The following CACNA1D variants were observed in gnomAD, a reference collection of about 807,000 sequenced individuals.
CACNA1D encodes calcium voltage-gated channel subunit alpha1 D.
CACNA1D carries 55 observed loss-of-function variants against 257.1 expected under a neutral mutation model. That is an observed-to-expected ratio of 0.21 (90% CI 0.17 to 0.27). CACNA1D has a LOEUF of 0.27. CACNA1D is among the 10% of genes least tolerant of loss of function. The probability of loss-of-function intolerance (pLI) is 1.00; values close to 1 mark genes in which losing one functional copy is unlikely to be tolerated. For synonymous variants in CACNA1D, 980 were observed against 1,014.9 expected (o/e 0.97, Z 0.65); for missense variants, 1,876 against 2,784.0 (o/e 0.67, Z 7.34).
At chr3:53,748,296 A>G (rs1056880379) in intron 26 of CACNA1D, among the ~76,000 whole-genome samples, 6 of 152,196 alleles carry the variant, frequency 3.9e-5, no homozygotes, top group African/African-American at 1.4e-4. Context: ...GTCCCCATGC[A>G]TAGATGAGCT....
At chr3:53,758,528 A>G (rs1372751387) in intron 29 of CACNA1D, among the ~76,000 whole-genome samples, 1 of 152,184 alleles carries the variant, frequency 6.6e-6, no homozygotes, top group Non-Finnish European at 1.5e-5. Context: ...GCCTTCCAGG[A>G]GCCCACTGTC....
At chr3:53,614,142 A>AAG (rs879509047) in intron 3 of CACNA1D, among the ~76,000 whole-genome samples, 15 of 151,478 alleles carry the variant, frequency 9.9e-5, no homozygotes, top group South Asian at 2.1e-4. Flanking sequence ...AAAAAAAAAA[A>AAG]AGAGAGACAA....
chr3:53,644,426 G>A (rs1298189255), intron 3 of CACNA1D, among the ~76,000 whole-genome samples: 1 of 152,122 alleles, frequency 6.6e-6, no homozygotes, highest in African/African-American at 2.4e-5. Flanking sequence ...ACTCTTTCTA[G>A]CTTTTGTATA....
At chr3:53,702,035 T>TG (rs937730355) in intron 8 of CACNA1D, among the ~76,000 whole-genome samples, 1 of 151,926 alleles carries the variant, frequency 6.6e-6, no homozygotes, top group African/African-American at 2.4e-5. Context: ...AACTGGGTTG[T>TG]GGAGGGGGTG....
chr3:53,523,166 A>G (rs2091643593), intron 3 of CACNA1D, among the ~76,000 whole-genome samples: 1 of 152,112 alleles, frequency 6.6e-6, no homozygotes, highest in Non-Finnish European at 1.5e-5. Context: ...CAAGATGCTG[A>G]GTGAAGTGGG....
intron 3 of CACNA1D, among the ~76,000 whole-genome samples, chr3:53,635,382 C>T (rs1295840900): frequency 6.6e-6 from 1 of 152,078 alleles, no homozygotes; most frequent in Admixed American, 6.5e-5. Flanking sequence ...GGAGGGGATG[C>T]TGGTGGGTGG....
chr3:53,751,674 A>G lies in CACNA1D; in HGVS notation c.3517-75A>G, dbSNP rs745689663. The G allele has an allele frequency of 1.3e-6, 2 of 1,493,676 alleles. No individual in the cohort carries two copies. The highest frequency in any genetic ancestry group is 1.9e-6 in the Non-Finnish European group (2 of 1,071,552). The allele number at this position is 1,493,676 out of a possible 1,614,324, so 92.5% of individuals were successfully genotyped here. On this transcript the variant is annotated intron_variant, in intron 27 of 47. Coordinates refer to ENST00000350061, the MANE Select transcript of CACNA1D (RefSeq NM_001128840.3). The surrounding 1 kb of genome is among the most constrained non-coding windows in gnomAD (Gnocchi z 4.3). ...CGGGAGCTGTAGGGTGAGCTCTTTC[A>G]GAGCAGATGACCACGGGGTCCTCCT...
At chr3:53,753,496 G>A (rs1009071325) in intron 28 of CACNA1D, 76 bp from the exon 29 acceptor site, 2 of 992,580 alleles carry the variant, frequency 2.0e-6, no homozygotes, top group African/African-American at 3.2e-5. Context: ...GGCACAGAGG[G>A]CTGGGAGCCT....
At chr3:53,798,395 G>A (rs939234419) in intron 40 of CACNA1D, among the ~76,000 whole-genome samples, 7 of 152,194 alleles carry the variant, frequency 4.6e-5, no homozygotes, top group Non-Finnish European at 8.8e-5. Flanking sequence ...ATGTGCATAT[G>A]TGTACACACA....
intron 5 of CACNA1D, among the ~76,000 whole-genome samples, chr3:53,664,986 G>T (rs1397285193): frequency 1.3e-5 from 2 of 150,852 alleles, no homozygotes; most frequent in Non-Finnish European, 2.9e-5. Context: ...ACAGGCTCTA[G>T]ATGTCCCAGT....
intron 3 of CACNA1D, among the ~76,000 whole-genome samples, chr3:53,533,278 T>C (rs2092006700): frequency 6.6e-6 from 1 of 152,208 alleles, no homozygotes; most frequent in African/African-American, 2.4e-5. Context: ...AGTCTTATTG[T>C]TTATTGTATA....
chr3:53,799,831 A>G (rs2095527086), intron 40 of CACNA1D: 1 of 284,166 alleles, frequency 3.5e-6, no homozygotes, highest in African/African-American at 2.2e-5. Flanking sequence ...GGGAGTCCAC[A>G]TCAGCCTCCC....
chr3:53,690,632 A>G (rs1428647483), intron 8 of CACNA1D, among the ~76,000 whole-genome samples: 1 of 152,172 alleles, frequency 6.6e-6, no homozygotes, highest in Non-Finnish European at 1.5e-5. Context: ...CTCTAGATGC[A>G]GCTCACAGGG....
intron 30 of CACNA1D, among the ~76,000 whole-genome samples, chr3:53,767,739 A>G (rs907075081): frequency 6.6e-6 from 1 of 152,134 alleles, no homozygotes; most frequent in African/African-American, 2.4e-5. Context: ...CATTGGGCTG[A>G]CATTTGTCAT....
chr3:53,650,841 G>T lies in CACNA1D; in HGVS notation c.546G>T (p.Ala182=), dbSNP rs111366170. 3 of 1,609,264 alleles carry T rather than the reference G, an allele frequency of 1.9e-6. No homozygotes were observed. The highest frequency in any genetic ancestry group is 2.7e-5 in the African/African-American group (2 of 74,748). The part of the protein sequence containing the change: ...FTVETFLKII[A]YGLLLHPNAY... ...TCGAGACATTTTTGAAGATTATAGC[G>T]TATGGATTATTGCTACATCCTAATG... Residue 182 remains alanine, a synonymous_variant, in exon 4 of 48, where the codon GCG becomes GCT. Transcript: ENST00000350061.
At chr3:53,704,020 C>T (rs756585520) in intron 9 of CACNA1D, among the ~76,000 whole-genome samples, 16 of 152,114 alleles carry the variant, frequency 1.1e-4, no homozygotes, top group Non-Finnish European at 1.6e-4. Flanking sequence ...AGGGGACTAG[C>T]GTGAGGGAGG....
intron 27 of CACNA1D, among the ~76,000 whole-genome samples, chr3:53,750,795 G>A (rs886227538): frequency 2.0e-5 from 3 of 152,140 alleles, no homozygotes; most frequent in African/African-American, 4.8e-5. Flanking sequence ...GAACCTGTCC[G>A]AAGCCTGCAC....
At chr3:53,534,453 C>T (rs563465269) in intron 3 of CACNA1D, among the ~76,000 whole-genome samples, 3 of 152,238 alleles carry the variant, frequency 2.0e-5, no homozygotes, top group Non-Finnish European at 4.4e-5. Flanking sequence ...GATAGAAAGA[C>T]GGAGTCTGCA....
intron 8 of CACNA1D, among the ~76,000 whole-genome samples, chr3:53,700,334 C>T (rs6445596): frequency 0.63 from 96,075 of 151,682 alleles, 31,745 homozygotes; most frequent in African/African-American, 0.83. Context: ...GGATACTTTT[C>T]TGGTGAATAA....
Sources: gnomAD v4.1 joint callset for allele counts (sites outside exome capture counted in the v4.1 genomes callset) on GRCh38, gnomAD v4.1.1 for gene constraint, Gnocchi (gnomAD v3.1) non-coding constraint, MANE v1.5 for transcripts, NCBI Gene and HGNC (gene_info 2026-07-23, HGNC 2026-07-21) for gene names.